The following SPAG16 variants were observed in gnomAD, a reference collection of about 807,000 sequenced individuals.
SPAG16 encodes sperm-associated antigen 16 protein.
Under a neutral mutation model 80.4 loss-of-function variants are expected in SPAG16, and 86 were observed. That is an observed-to-expected ratio of 1.07 (90% CI 0.90 to 1.28). The LOEUF (loss-of-function observed/expected upper bound fraction) is 1.28, where lower values mean the gene tolerates loss of function less well. Among genes scored for constraint, SPAG16 ranks in the 50% most tolerant of loss-of-function variants. The pLI, the probability that SPAG16 is intolerant of heterozygous loss-of-function variation, is 0.00. For synonymous variants in SPAG16, 294 were observed against 265.9 expected, an observed-to-expected ratio of 1.11 and a Z score of -1.03; for missense variants, 870 against 765.3, an observed-to-expected ratio of 1.14 and a Z score of -1.61.
chr2:213,322,485 A>G (rs755388203), intron 5 of SPAG16, among the ~76,000 whole-genome samples: 4 of 151,996 alleles, frequency 2.6e-5, no homozygotes, highest in Non-Finnish European at 5.9e-5. Context: ...TTGACACCCA[A>G]ATTTAGCAGT....
At chr2:214,360,104 G>A (rs1270775825) in intron 15 of SPAG16, among the ~76,000 whole-genome samples, 1 of 151,832 alleles carries the variant, frequency 6.6e-6, no homozygotes, top group Non-Finnish European at 1.5e-5. Context: ...CCACAATTGT[G>A]TAATATTCTG....
chr2:213,747,748 A>G (rs1399978921), intron 10 of SPAG16, among the ~76,000 whole-genome samples: 1 of 152,186 alleles, frequency 6.6e-6, no homozygotes, highest in Non-Finnish European at 1.5e-5. Flanking sequence ...GAAGAAGGAT[A>G]CCATCTCAGA....
chr2:214,107,195 AG>A (rs1336030791), intron 13 of SPAG16, among the ~76,000 whole-genome samples: 2 of 152,144 alleles, frequency 1.3e-5, no homozygotes, highest in African/African-American at 4.8e-5. Flanking sequence ...ATTATCTTCT[AG>A]TACATTTTAT....
At chr2:213,868,222 A>G (rs1575407743) in intron 11 of SPAG16, among the ~76,000 whole-genome samples, 1 of 147,152 alleles carries the variant, frequency 6.8e-6, no homozygotes, top group East Asian at 2.1e-4. Flanking sequence ...TGCCAAACTC[A>G]TCCTATTTTT....
intron 11 of SPAG16, among the ~76,000 whole-genome samples, chr2:213,876,474 G>A (rs964678804): frequency 5.9e-5 from 9 of 152,048 alleles, no homozygotes; most frequent in African/African-American, 2.2e-4. Context: ...GAGCCTCCTT[G>A]TGGAGAAAGG....
intron 10 of SPAG16, among the ~76,000 whole-genome samples, chr2:213,735,149 C>A (rs1435647544): frequency 6.6e-6 from 1 of 152,126 alleles, no homozygotes; most frequent in Non-Finnish European, 1.5e-5. Flanking sequence ...GTTGAGAATG[C>A]ATGCCCTATT....
chr2:214,303,193 C>G (rs114215385), intron 15 of SPAG16, among the ~76,000 whole-genome samples: 72 of 152,264 alleles, frequency 4.7e-4, no homozygotes, highest in African/African-American at 1.6e-3. Flanking sequence ...TTTGTAGTCT[C>G]AATTGTGTAA....
At chr2:213,479,934 A>G (rs2073661207) in intron 9 of SPAG16, among the ~76,000 whole-genome samples, 1 of 152,156 alleles carries the variant, frequency 6.6e-6, no homozygotes, top group South Asian at 2.1e-4. Context: ...AAACATGTAG[A>G]ATATATCTCT....
chr2:214,185,084 G>A (rs1382388170), intron 15 of SPAG16, among the ~76,000 whole-genome samples: 1 of 151,878 alleles, frequency 6.6e-6, no homozygotes, highest in Non-Finnish European at 1.5e-5. Context: ...TATTGACAAA[G>A]GTAATTTGCT....
chr2:213,798,898 G>A (rs967451366), intron 10 of SPAG16, among the ~76,000 whole-genome samples: 6 of 152,110 alleles, frequency 3.9e-5, no homozygotes, highest in African/African-American at 1.4e-4. Flanking sequence ...AAATGTAAGA[G>A]TTTATTACTG....
chr2:213,310,782 T>C (rs2063156111), intron 4 of SPAG16, among the ~76,000 whole-genome samples: 1 of 151,874 alleles, frequency 6.6e-6, no homozygotes, highest in Non-Finnish European at 1.5e-5. Context: ...ATTCCTTTGT[T>C]ATAATAATAA....
At chr2:213,627,470 C>G (rs1048601088) in intron 10 of SPAG16, among the ~76,000 whole-genome samples, 2 of 152,148 alleles carry the variant, frequency 1.3e-5, no homozygotes, top group Non-Finnish European at 2.9e-5. Context: ...AAGCCACTTG[C>G]GGAAAGCCCC....
intron 14 of SPAG16, among the ~76,000 whole-genome samples, chr2:214,140,933 T>TGGGGGG (rs56893647): frequency 1.9e-4 from 11 of 59,252 alleles, no homozygotes; most frequent in Non-Finnish European, 2.2e-4. Flanking sequence ...ATCCCATTGG[T>TGGGGGG]GGGGGGGGGG....
intron 15 of SPAG16, among the ~76,000 whole-genome samples, chr2:214,298,149 C>T (rs1694289099): frequency 2.7e-4 from 3 of 11,180 alleles, no homozygotes; most frequent in African/African-American, 3.9e-4. Flanking sequence ...CATACACACA[C>T]ACACACATAT....
chr2:213,422,289 C>T (rs1270540792), intron 9 of SPAG16: 2 of 701,960 alleles, frequency 2.8e-6, no homozygotes, highest in East Asian at 2.7e-5. Flanking sequence ...GATTTGGGTG[C>T]CCACAGCAGA....
intron 11 of SPAG16, among the ~76,000 whole-genome samples, chr2:213,910,908 A>G (rs1292951667): frequency 6.6e-6 from 1 of 152,224 alleles, no homozygotes; most frequent in Non-Finnish European, 1.5e-5. Context: ...TATTAAATAA[A>G]CTGTCCAAGA....
At chr2:213,641,105 G>A (rs555502535) in intron 10 of SPAG16, among the ~76,000 whole-genome samples, 89 of 152,134 alleles carry the variant, frequency 5.9e-4, no homozygotes, top group Admixed American at 1.1e-3. Context: ...CTTGGGTGGG[G>A]CTTGCTGCAA....
intron 9 of SPAG16, among the ~76,000 whole-genome samples, chr2:213,488,125 A>G (rs2074068673): frequency 6.6e-6 from 1 of 152,054 alleles, no homozygotes. Context: ...AATTTTGTCT[A>G]TTTTGTTTAG....
At chr2:213,314,117 G>A (rs974151395) in intron 4 of SPAG16, among the ~76,000 whole-genome samples, 5 of 151,692 alleles carry the variant, frequency 3.3e-5, no homozygotes, top group African/African-American at 9.7e-5. Flanking sequence ...TTGTTATGTG[G>A]ACAAAATTTT....
Sources: allele counts gnomAD v4.1 joint callset (sites outside exome capture counted in the v4.1 genomes callset), GRCh38; gene constraint gnomAD v4.1.1; transcripts MANE v1.5; gene names NCBI Gene and HGNC (gene_info 2026-07-23, HGNC 2026-07-21).